Variants in CTNND2 observed in about 807,000 individuals in gnomAD.
The protein encoded by CTNND2 is catenin delta 2.
In CTNND2, 22 loss-of-function variants were observed where a neutral mutation model predicts 144.4. That is an observed-to-expected ratio of 0.15 (90% confidence interval 0.11 to 0.22). CTNND2 has a LOEUF of 0.22. Ranked by LOEUF, CTNND2 falls within the 10% of genes least tolerant of loss-of-function variation. The pLI, the probability that CTNND2 is intolerant of heterozygous loss-of-function variation, is 1.00. For missense variants in CTNND2, 1,353 were observed against 1,618.8 expected (o/e 0.84, Z 2.82); for synonymous variants, 751 against 695.6 (o/e 1.08, Z -1.25).
intron 12 of CTNND2, among the ~76,000 whole-genome samples, chr5:11,130,796 C>T (rs183402106): frequency 1.3e-3 from 192 of 152,284 alleles, no homozygotes; most frequent in African/African-American, 4.1e-3. Flanking sequence ...GTCCATCCCC[C>T]GGGTCAGTGC....
At chr5:11,334,751 G>A (rs1212204413) in intron 9 of CTNND2, among the ~76,000 whole-genome samples, 1 of 152,178 alleles carries the variant, frequency 6.6e-6, no homozygotes, top group Non-Finnish European at 1.5e-5. Context: ...GGGGTTTCTT[G>A]CAAATGTCTC....
chr5:11,477,763 G>T (rs1368796356), intron 3 of CTNND2, among the ~76,000 whole-genome samples: 1 of 152,058 alleles, frequency 6.6e-6, no homozygotes, highest in Non-Finnish European at 1.5e-5. Context: ...GTGTCCCTTT[G>T]CTATGGTTAC....
intron 12 of CTNND2, among the ~76,000 whole-genome samples, chr5:11,129,290 A>G (rs1390145077): frequency 5.6e-5 from 3 of 53,818 alleles, no homozygotes; most frequent in African/African-American, 1.9e-4. Context: ...ATATAAAAAT[A>G]TATAATATAT....
intron 1 of CTNND2, among the ~76,000 whole-genome samples, chr5:11,781,061 T>C (rs1019331143): frequency 1.3e-5 from 2 of 152,236 alleles, no homozygotes; most frequent in African/African-American, 4.8e-5. Context: ...GGCACTGCTT[T>C]AGTGAAACAC....
At chr5:11,893,849 T>C (rs1737183812) in intron 1 of CTNND2, among the ~76,000 whole-genome samples, 1 of 152,156 alleles carries the variant, frequency 6.6e-6, no homozygotes, top group Non-Finnish European at 1.5e-5. Flanking sequence ...AAGAAGACTT[T>C]TGATTTATAA....
chr5:11,552,798 C>T (rs1775880088), intron 3 of CTNND2, among the ~76,000 whole-genome samples: 1 of 152,216 alleles, frequency 6.6e-6, no homozygotes, highest in South Asian at 2.1e-4. Context: ...TTTCAGCTGA[C>T]TTTCCTCTGA....
intron 3 of CTNND2, among the ~76,000 whole-genome samples, chr5:11,517,875 G>A (rs1436951304): frequency 2.0e-5 from 3 of 152,002 alleles, no homozygotes; most frequent in African/African-American, 7.2e-5. Flanking sequence ...TGAAGTACAC[G>A]ATGCAGTATT....
chr5:11,267,937 C>T (rs1294002456), intron 9 of CTNND2, among the ~76,000 whole-genome samples: 1 of 152,166 alleles, frequency 6.6e-6, no homozygotes, highest in Non-Finnish European at 1.5e-5. Flanking sequence ...TCATCGCTGT[C>T]ATCCAGAAAA....
chr5:11,260,383 C>T (rs1309073087), intron 9 of CTNND2, among the ~76,000 whole-genome samples: 2 of 151,890 alleles, frequency 1.3e-5, no homozygotes, highest in Admixed American at 1.3e-4. Flanking sequence ...TTTATTTACA[C>T]ACTAAGAAAA....
intron 1 of CTNND2, among the ~76,000 whole-genome samples, chr5:11,796,223 AC>A (rs1791394475): frequency 1.3e-5 from 2 of 152,206 alleles, no homozygotes; most frequent in African/African-American, 4.8e-5. Flanking sequence ...TGCCATGCTA[AC>A]CCCCCTCACC....
chr5:11,287,054 G>C (rs113171595), intron 9 of CTNND2, among the ~76,000 whole-genome samples: 2 of 152,170 alleles, frequency 1.3e-5, no homozygotes, highest in African/African-American at 4.8e-5. Context: ...ACACCGTTGA[G>C]AAAAAAAGCA....
At chr5:11,660,784 TA>T (rs1262671528) in intron 2 of CTNND2, among the ~76,000 whole-genome samples, 1 of 152,146 alleles carries the variant, frequency 6.6e-6, no homozygotes, top group African/African-American at 2.4e-5. Flanking sequence ...ATAATAACCT[TA>T]AAAATGTCTT....
chr5:11,732,876 C>T (rs1456612707), intron 1 of CTNND2, among the ~76,000 whole-genome samples: 2 of 151,906 alleles, frequency 1.3e-5, no homozygotes, highest in East Asian at 3.9e-4. Flanking sequence ...GTCATAAGAT[C>T]CTCATTCCAC....
intron 1 of CTNND2, among the ~76,000 whole-genome samples, chr5:11,782,306 G>A (rs1419010762): frequency 6.6e-6 from 1 of 152,114 alleles, no homozygotes; most frequent in Non-Finnish European, 1.5e-5. Flanking sequence ...TTGGGCTCAT[G>A]CAAATGTTTG....
rs78226274 is a variant in CTNND2 at position 11,303,341 on chromosome 5, C to A, written c.1628+43031G>T. 3.9e-5 allele frequency among the ~76,000 whole-genome samples: 6 copies of A among 152,210 alleles called. No individual in the cohort carries two copies. In the South Asian group the frequency reaches 8.3e-4, roughly 21 times the overall value. On this transcript the variant is annotated intron_variant, in intron 9 of 21. Transcript: ENST00000304623. ...GGAACTCACAAGGGGCAGCCTAACA[C>A]GGTAGTTATGCTATGGTTTCTGCAC...
chr5:11,362,018 G>A (rs1756502530), intron 8 of CTNND2, among the ~76,000 whole-genome samples: 1 of 152,148 alleles, frequency 6.6e-6, no homozygotes, highest in Non-Finnish European at 1.5e-5. Context: ...CCACTCATCT[G>A]AGCTAAGAGC....
chr5:11,678,320 T>C (rs1408807743), intron 2 of CTNND2, among the ~76,000 whole-genome samples: 1 of 152,210 alleles, frequency 6.6e-6, no homozygotes, highest in African/African-American at 2.4e-5. Context: ...AGGAGGAGAC[T>C]AGGTTTTCTG....
intron 9 of CTNND2, among the ~76,000 whole-genome samples, chr5:11,294,637 A>T (rs1748709454): frequency 6.6e-6 from 1 of 152,180 alleles, no homozygotes; most frequent in South Asian, 2.1e-4. Flanking sequence ...ATCCACCATG[A>T]TCAAGTCGGC....
chr5:11,703,380 G>C (rs899369671), intron 2 of CTNND2, among the ~76,000 whole-genome samples: 3 of 152,120 alleles, frequency 2.0e-5, no homozygotes, highest in Non-Finnish European at 4.4e-5. Context: ...CTTACAGTCA[G>C]GATACATGCA....
Sources: allele counts gnomAD v4.1 joint callset (sites outside exome capture counted in the v4.1 genomes callset), GRCh38; gene constraint gnomAD v4.1.1; transcripts MANE v1.5; gene names NCBI Gene and HGNC (gene_info 2026-07-23, HGNC 2026-07-21).